USP39: variants seen among roughly 807,000 people sequenced by gnomAD.
The protein encoded by USP39 is ubiquitin specific peptidase 39.
USP39 carries 38 observed loss-of-function variants against 66.4 expected under a neutral mutation model. That is an observed-to-expected ratio of 0.57 (90% confidence interval 0.44 to 0.75). The LOEUF (loss-of-function observed/expected upper bound fraction) is 0.75. Among genes scored for constraint, USP39 ranks in the 30% least tolerant of loss-of-function variants. The probability of loss-of-function intolerance (pLI) is 0.00; values close to 1 mark genes in which losing one functional copy is unlikely to be tolerated. For synonymous variants in USP39, 303 were observed against 274.6 expected (o/e 1.10, Z -1.02); for missense variants, 608 against 714.4 (o/e 0.85, Z 1.70).
intron 3 of USP39, among the ~76,000 whole-genome samples, 165 bp downstream of exon 3, chr2:85,621,744 G>T (rs539582398): frequency 1.3e-4 from 20 of 152,144 alleles, no homozygotes; most frequent in African/African-American, 4.8e-4. Context: ...TGACTGGTCA[G>T]AACCTGGATA....
intron 3 of USP39, 160 bp from the exon 4 acceptor site, chr2:85,623,486 G>C: frequency 9.4e-7 from 1 of 1,059,498 alleles, no homozygotes; most frequent in South Asian, 2.1e-5. Context: ...ATTTTTTTAT[G>C]AGAGAACTTC....
At chr2:85,621,436 C>T in intron 2 of USP39, 49 bp from the exon 3 acceptor site, 1 of 1,544,328 alleles carries the variant, frequency 6.5e-7, no homozygotes, top group African/African-American at 1.4e-5. Context: ...CATTTGCGTG[C>T]CTTCCTACAT....
chr2:85,628,394 C>T (rs1675043186), intron 5 of USP39, among the ~76,000 whole-genome samples: 1 of 152,094 alleles, frequency 6.6e-6, no homozygotes, highest in African/African-American at 2.4e-5. Flanking sequence ...ATCTGCTCGC[C>T]TCGGCCTCCC....
intron 3 of USP39, among the ~76,000 whole-genome samples, chr2:85,622,526 A>G (rs1379370107): frequency 1.3e-5 from 2 of 151,560 alleles, no homozygotes; most frequent in Admixed American, 6.6e-5. Flanking sequence ...TGCTGGGATT[A>G]TAGATGTGAG....
chr2:85,615,946 GA>G, upstream of USP39: 2 of 705,788 alleles, frequency 2.8e-6, no homozygotes, highest in Non-Finnish European at 3.5e-6. Flanking sequence ...CTTTTATCCA[GA>G]AAACTGTCGC....
At chr2:85,621,378 T>G in intron 2 of USP39, 107 bp from the exon 3 acceptor site, 1 of 902,508 alleles carries the variant, frequency 1.1e-6, no homozygotes, top group South Asian at 1.4e-5. Flanking sequence ...TGAACTGTTT[T>G]CTGAAGGATG....
At chr2:85,619,976 T>C (rs561448412) in intron 2 of USP39, among the ~76,000 whole-genome samples, 1 of 152,120 alleles carries the variant, frequency 6.6e-6, no homozygotes, top group South Asian at 2.1e-4. Flanking sequence ...TGCCTCAGCT[T>C]CCTGAGTAGC....
chr2:85,616,495 A>G (rs1573388655), intron 1 of USP39, 32 bp downstream of exon 1: 4 of 1,260,444 alleles, frequency 3.2e-6, no homozygotes, highest in Non-Finnish European at 4.1e-6. Context: ...TAGGCGCGAG[A>G]GCCTGTTTTT....
Position 85,649,059 on chromosome 2 carries a change from TCAG to T in USP39, c.*255_*257del. 3 of 523,274 alleles carry T rather than the reference TCAG, an allele frequency of 5.7e-6. No individual in the cohort carries two copies. The highest frequency in any genetic ancestry group is 3.4e-6 in the Non-Finnish European group (1 of 291,880). The allele number at this position is 523,274 out of a possible 1,614,324, so 32.4% of individuals were successfully genotyped here. On this transcript the variant is annotated 3_prime_UTR_variant, in exon 13 of 13. Transcript: ENST00000323701. ...CCATGCATTGAGCTCCCATCTAGCT[TCAG>T]CAGGGCAGAACCCTTCTCCAGATGT...
intron 2 of USP39, chr2:85,621,248 A>T (rs1027674421): frequency 7.3e-6 from 3 of 411,968 alleles, no homozygotes; most frequent in African/African-American, 5.9e-5. Flanking sequence ...GGTTACAAAC[A>T]CTAATGAGAA....
chr2:85,612,888 T>G (rs1369155224), upstream of USP39, among the ~76,000 whole-genome samples: 1 of 151,786 alleles, frequency 6.6e-6, no homozygotes, highest in African/African-American at 2.4e-5. Flanking sequence ...CTCGAACTCC[T>G]GACCTCAGGT....
At chr2:85,608,740 A>AT (rs1673314470), upstream of USP39, 1 of 404,578 alleles carries the variant, frequency 2.5e-6, no homozygotes. Context: ...GAATTCCAGA[A>AT]TATCAGGCTG....
chr2:85,611,724 G>A (rs767123847), upstream of USP39: 1 of 1,604,524 alleles, frequency 6.2e-7, no homozygotes, highest in African/African-American at 1.3e-5. Context: ...CGTCGGCGCG[G>A]GCGTGTGCCG....
chr2:85,608,701 CAAAAAAAAAAAAAAA>C (rs5832651), upstream of USP39: 68 of 55,442 alleles, frequency 1.2e-3, 2 homozygotes, highest in South Asian at 1.6e-3. Context: ...ACAAAATCCT[CAAAAAAAAAAAAAAA>C]AAAAAAAAAA....
chr2:85,611,497 T>A (rs1354810507), upstream of USP39: 8 of 1,550,712 alleles, frequency 5.2e-6, no homozygotes, highest in Non-Finnish European at 2.6e-6. Context: ...GTCGTCCCAG[T>A]TCTTGGTGAG....
chr2:85,622,591 A>G (rs879453147), intron 3 of USP39, among the ~76,000 whole-genome samples: 4 of 148,026 alleles, frequency 2.7e-5, no homozygotes, highest in Non-Finnish European at 5.9e-5. Context: ...TGTGGAGACA[A>G]GGCCTTATTA....
At chr2:85,644,181 G>A (rs980581565) in intron 10 of USP39, among the ~76,000 whole-genome samples, 5 of 152,168 alleles carry the variant, frequency 3.3e-5, no homozygotes, top group African/African-American at 7.2e-5. Context: ...ATAACTGGAC[G>A]TGACCACCAT....
Position 85,648,994 on chromosome 2 carries a change from G to A in USP39, c.*186G>A, listed in dbSNP as rs2104373931. 1.5e-6 allele frequency: 1 copy of A among 675,752 alleles called. No individual in the cohort carries two copies. The highest frequency in any genetic ancestry group is 2.6e-6 in the Non-Finnish European group (1 of 379,162). The allele number at this position is 675,752 out of a possible 1,614,324, so 41.9% of individuals were successfully genotyped here. On this transcript the variant is annotated 3_prime_UTR_variant, in exon 13 of 13. Coordinates refer to ENST00000323701, the MANE Select transcript of USP39 (RefSeq NM_006590.4). ...GATGGCCCCACACTGTCACTCAGCT[G>A]TTCTTTGATCATTTTTTTCTAGATT...
Position 85,619,273 on chromosome 2 carries a change from C to T in USP39, c.322C>T (p.Leu108=). 1 of 1,613,784 alleles carries T rather than the reference C, an allele frequency of 6.2e-7. No homozygotes were observed. The highest frequency in any genetic ancestry group is 8.5e-7 in the Non-Finnish European group (1 of 1,179,918). The change falls in exon 2 of 13, where the codon CTG becomes TTG. Residue 108 remains leucine (L), a synonymous_variant. Transcript: ENST00000323701. Reference sequence around the variant, plus strand: ...CCGGAGGAGCCGCCACTGCCCGTACCTGGACACCATTAACAGGTCAGTAGG... The same window carrying T: ...CCGGAGGAGCCGCCACTGCCCGTACTTGGACACCATTAACAGGTCAGTAGG... The part of the protein sequence containing the change: ...EDRRSRHCPY[L]DTINRSVLDF...
Sources: gnomAD v4.1 joint callset for allele counts (sites outside exome capture counted in the v4.1 genomes callset) on GRCh38, gnomAD v4.1.1 for gene constraint, MANE v1.5 for transcripts, NCBI Gene and HGNC (gene_info 2026-07-23, HGNC 2026-07-21) for gene names.